Variants in LEUTX observed in about 807,000 individuals in gnomAD.
LEUTX encodes the protein leucine twenty homeobox.
Under a neutral mutation model 4.5 loss-of-function variants are expected in LEUTX, and 5 were observed. That is an observed-to-expected ratio of 1.11 (90% CI 0.58 to 2.34). The LOEUF is 2.34. Ranked by LOEUF, LEUTX falls within the 30% of genes most tolerant of loss-of-function variation. LEUTX has a pLI of 0.01. For synonymous variants in LEUTX, 89 were observed against 85.1 expected (o/e 1.05, Z -0.25); for missense variants, 233 against 239.4 (o/e 0.97, Z 0.18).
chr19:39,781,543 G>C (rs1326188983), intron 1 of LEUTX, among the ~76,000 whole-genome samples: 1 of 152,186 alleles, frequency 6.6e-6, no homozygotes, highest in Non-Finnish European at 1.5e-5. Context: ...GAATGGCTTA[G>C]TGCCATCCTC....
chr19:39,782,383 T>C (rs1967899631), intron 1 of LEUTX, among the ~76,000 whole-genome samples: 1 of 152,148 alleles, frequency 6.6e-6, no homozygotes, highest in South Asian at 2.1e-4. Context: ...ATAAGAGGTT[T>C]CCCCTTTTGC....
intron 2 of LEUTX, 76 bp downstream of exon 2, chr19:39,784,754 A>G: frequency 1.7e-6 from 2 of 1,143,306 alleles, no homozygotes. Context: ...TTGTTATAAC[A>G]GTTCCTATTT....
intron 1 of LEUTX, among the ~76,000 whole-genome samples, chr19:39,784,307 A>G (rs1392192500): frequency 6.6e-6 from 1 of 152,016 alleles, no homozygotes; most frequent in Non-Finnish European, 1.5e-5. Flanking sequence ...TGATGAACTA[A>G]TGTGATTTTT....
intron 1 of LEUTX, among the ~76,000 whole-genome samples, chr19:39,782,775 C>T (rs1599617479): frequency 6.6e-6 from 1 of 152,198 alleles, no homozygotes; most frequent in Non-Finnish European, 1.5e-5. Flanking sequence ...GAGTGGGTCT[C>T]GTGAGTCAAA....
At chr19:39,784,820 A>G in intron 2 of LEUTX, 142 bp downstream of exon 2, 1 of 611,368 alleles carries the variant, frequency 1.6e-6, no homozygotes, top group Non-Finnish European at 2.9e-6. Flanking sequence ...TTTTATTGTC[A>G]TGAGCACCCA....
At chr19:39,784,706 G>T in intron 2 of LEUTX, 28 bp downstream of exon 2, 3 of 1,510,006 alleles carry the variant, frequency 2.0e-6, no homozygotes, top group African/African-American at 1.4e-5. Flanking sequence ...TCTGTAGGTA[G>T]CACGCCTAAC....
Position 39,786,248 on chromosome 19 carries a change from C to A in LEUTX, c.*113C>A. 2 of 793,124 alleles carry A rather than the reference C, an allele frequency of 2.5e-6. No homozygotes were observed. The highest frequency in any genetic ancestry group is 2.9e-5 in the East Asian group (1 of 34,770). 49.1% of individuals were successfully genotyped at this position (793,124 alleles called of 1,614,324 possible). ...AGTAGATCAGGGGCTGGGAATTTAT[C>A]TTTTTCTGTAGAAAAAACAATAAAG... On this transcript the variant is annotated 3_prime_UTR_variant, in exon 3 of 3. Coordinates refer to ENST00000638280, the MANE Select transcript of LEUTX (RefSeq NM_001382345.1).
Position 39,786,117 on chromosome 19 carries a change from G to T in LEUTX, c.579G>T (p.Gln193His), listed in dbSNP as rs377434841. 3.9e-6 allele frequency: 6 copies of T among 1,532,030 alleles called. No individual in the cohort carries two copies. In the East Asian group the frequency reaches 1.5e-4, roughly 38 times the overall value. The allele number at this position is 1,532,030 out of a possible 1,614,324, so 94.9% of individuals were successfully genotyped here. A position where few individuals can be genotyped will look rare whatever the true frequency, so the allele number is the denominator to read the frequency against. The part of the protein sequence containing the change: ...YLFPVCLEYD[Q>H]LQSSV ...TTCCAGTATGCCTTGAGTATGACCA[G>T]CTCCAATCTTCAGTGTAACTTCTTA... Residue 193 changes from glutamine to histidine, a missense_variant, in exon 3 of 3, where the codon CAG (glutamine) becomes CAT (histidine). Physicochemically the swap from Gln to His is conservative, Grantham distance 24. Coordinates refer to ENST00000638280, the MANE Select transcript of LEUTX (RefSeq NM_001382345.1).
chr19:39,779,371 G>A (rs541510296), intron 1 of LEUTX, among the ~76,000 whole-genome samples: 1 of 152,126 alleles, frequency 6.6e-6, no homozygotes, highest in Non-Finnish European at 1.5e-5. Flanking sequence ...CCATTGATGG[G>A]TATAAAATAG....
chr19:39,783,393 A>C (rs901077321), intron 1 of LEUTX, among the ~76,000 whole-genome samples: 3 of 149,036 alleles, frequency 2.0e-5, no homozygotes, highest in Non-Finnish European at 4.4e-5. Flanking sequence ...ACCACAGCTT[A>C]TCCACTCAAT....
At chr19:39,784,957 G>T (rs1967942742) in intron 2 of LEUTX, among the ~76,000 whole-genome samples, 2 of 152,130 alleles carry the variant, frequency 1.3e-5, no homozygotes, top group African/African-American at 4.8e-5. Context: ...ACTCTTTGAG[G>T]CTGGATCTCA....
At chr19:39,782,624 G>A (rs1292463895) in intron 1 of LEUTX, among the ~76,000 whole-genome samples, 2 of 152,156 alleles carry the variant, frequency 1.3e-5, no homozygotes, top group Non-Finnish European at 2.9e-5. Flanking sequence ...TCATGGAGAG[G>A]TTGATGTTCC....
upstream of LEUTX, chr19:39,776,764 C>T (rs983502909): frequency 3.2e-5 from 14 of 433,052 alleles, no homozygotes; most frequent in Non-Finnish European, 6.0e-5. Flanking sequence ...TCCTGTAGTC[C>T]CAGCTGCTTG....
At chr19:39,780,843 T>A (rs1967874338) in intron 1 of LEUTX, among the ~76,000 whole-genome samples, 2 of 151,564 alleles carry the variant, frequency 1.3e-5, no homozygotes, top group African/African-American at 2.4e-5. Flanking sequence ...TTATAGATTT[T>A]CTTTTTTTTT....
chr19:39,781,288 T>C (rs994695992), intron 1 of LEUTX, among the ~76,000 whole-genome samples: 1 of 152,236 alleles, frequency 6.6e-6, no homozygotes, highest in African/African-American at 2.4e-5. Flanking sequence ...TGTTTTTCCA[T>C]GTATTTGCAT....
chr19:39,785,565 G>C (rs1038997891), intron 2 of LEUTX, 133 bp from the exon 3 acceptor site: 11 of 686,472 alleles, frequency 1.6e-5, no homozygotes, highest in Middle Eastern at 4.1e-4. Flanking sequence ...ACAGCAGAGA[G>C]TAGAAAGGGC....
intron 1 of LEUTX, among the ~76,000 whole-genome samples, chr19:39,779,435 ACT>A (rs1967851518): frequency 6.6e-6 from 1 of 151,012 alleles, no homozygotes; most frequent in African/African-American, 2.4e-5. Flanking sequence ...GAATCTGTTC[ACT>A]CTATTTTAAA....
chr19:39,782,949 G>T (rs977513202), intron 1 of LEUTX, among the ~76,000 whole-genome samples: 4 of 152,028 alleles, frequency 2.6e-5, no homozygotes, highest in Non-Finnish European at 5.9e-5. Context: ...GTTCTTTAGT[G>T]GTGATTTGTG....
chr19:39,781,877 C>T (rs1011113887), intron 1 of LEUTX, among the ~76,000 whole-genome samples: 17 of 152,190 alleles, frequency 1.1e-4, no homozygotes, highest in Non-Finnish European at 2.5e-4. Flanking sequence ...TCTTTGGTTA[C>T]TCACATCTTC....
Sources: allele counts gnomAD v4.1 joint callset (sites outside exome capture counted in the v4.1 genomes callset), GRCh38; gene constraint gnomAD v4.1.1; transcripts MANE v1.5; gene names NCBI Gene and HGNC (gene_info 2026-07-23, HGNC 2026-07-21).